The following FAM171A1 variants were observed in gnomAD, a reference collection of about 807,000 sequenced individuals.
FAM171A1 encodes the protein family with sequence similarity 171 member A1.
In FAM171A1, 23 loss-of-function variants were observed where a neutral mutation model predicts 74.9. The observed-to-expected ratio is 0.31, with a 90% confidence interval of 0.22 to 0.44. The LOEUF (loss-of-function observed/expected upper bound fraction) is 0.44. Among genes scored for constraint, FAM171A1 ranks in the 20% least tolerant of loss-of-function variants. The pLI is 1.00. For missense variants in FAM171A1, 1,162 were observed against 1,159.2 expected (o/e 1.00, Z -0.03); for synonymous variants, 527 against 505.7 (o/e 1.04, Z -0.57).
intron 1 of FAM171A1, among the ~76,000 whole-genome samples, chr10:15,298,177 G>C (rs1835183320): frequency 6.6e-6 from 1 of 151,576 alleles, no homozygotes; most frequent in Admixed American, 6.6e-5. Flanking sequence ...ACCCATGCTG[G>C]AGTTCAATGG....
intron 1 of FAM171A1, among the ~76,000 whole-genome samples, chr10:15,345,263 GAC>G (rs1391776926): frequency 3.3e-5 from 5 of 152,226 alleles, no homozygotes. Context: ...CCTAAGGAGA[GAC>G]AGACATGAAG....
intron 1 of FAM171A1, among the ~76,000 whole-genome samples, chr10:15,285,830 G>A (rs1254366278): frequency 6.6e-6 from 1 of 152,154 alleles, no homozygotes; most frequent in Non-Finnish European, 1.5e-5. Context: ...CCATCAATGA[G>A]CCGGCTGCAG....
At chr10:15,331,224 A>G (rs1354681796) in intron 1 of FAM171A1, among the ~76,000 whole-genome samples, 1 of 151,736 alleles carries the variant, frequency 6.6e-6, no homozygotes, top group East Asian at 1.9e-4. Flanking sequence ...TGCATATATG[A>G]CTCCCCTGAA....
At chr10:15,241,459 G>A (rs191111186) in intron 5 of FAM171A1, 38 of 152,240 alleles carry the variant, frequency 2.5e-4, no homozygotes, top group Admixed American at 2.3e-3. Flanking sequence ...TCAACCCTGC[G>A]TTGTAGTGCA....
At chr10:15,220,831 T>C (rs754927754) in intron 6 of FAM171A1, 113 bp downstream of exon 6, 4 of 779,352 alleles carry the variant, frequency 5.1e-6, no homozygotes, top group Non-Finnish European at 8.3e-6. Flanking sequence ...TTAACCATTT[T>C]TGAATAAGAT....
intron 1 of FAM171A1, among the ~76,000 whole-genome samples, chr10:15,339,630 T>G (rs949238901): frequency 1.3e-5 from 2 of 152,200 alleles, no homozygotes; most frequent in Admixed American, 6.5e-5. Flanking sequence ...CTCTTGAGCT[T>G]GATCATCTGG....
chr10:15,325,020 G>C (rs1028585932), intron 1 of FAM171A1, among the ~76,000 whole-genome samples: 1 of 152,206 alleles, frequency 6.6e-6, no homozygotes, highest in Non-Finnish European at 1.5e-5. Context: ...GGCACATCAC[G>C]TGTGTCTAAT....
intron 1 of FAM171A1, among the ~76,000 whole-genome samples, chr10:15,318,448 G>C (rs922828726): frequency 6.6e-6 from 1 of 152,136 alleles, no homozygotes; most frequent in Non-Finnish European, 1.5e-5. Context: ...TACAGAAAAA[G>C]GCAATCAACT....
At chr10:15,340,462 G>C (rs1564284762) in intron 1 of FAM171A1, among the ~76,000 whole-genome samples, 1 of 152,130 alleles carries the variant, frequency 6.6e-6, no homozygotes, top group Admixed American at 6.6e-5. Flanking sequence ...GTGCATTGTG[G>C]AACTTTGAGT....
At chr10:15,372,824 C>G (rs1323539702), upstream of FAM171A1, among the ~76,000 whole-genome samples, 1 of 152,024 alleles carries the variant, frequency 6.6e-6, no homozygotes, top group Admixed American at 6.6e-5. Flanking sequence ...ACTTTTCTTT[C>G]TCTCAACCCA....
chr10:15,360,315 T>C (rs1321426982), intron 1 of FAM171A1, among the ~76,000 whole-genome samples: 4 of 152,208 alleles, frequency 2.6e-5, no homozygotes, highest in African/African-American at 7.2e-5. Context: ...TTCTGACCCA[T>C]GTAAATGGTG....
intron 3 of FAM171A1, among the ~76,000 whole-genome samples, chr10:15,265,182 C>T (rs981419388): frequency 4.6e-5 from 7 of 151,922 alleles, no homozygotes; most frequent in Admixed American, 6.6e-5. Context: ...CTCCTCGGGC[C>T]GATTTATAAT....
chr10:15,219,092 G>C (rs2131709235), intron 6 of FAM171A1, among the ~76,000 whole-genome samples: 1 of 152,252 alleles, frequency 6.6e-6, no homozygotes, highest in African/African-American at 2.4e-5. Flanking sequence ...AGACCAGCCT[G>C]ACTAACATGG....
rs746470792 is a variant in FAM171A1, at chr10:15,213,890, G to C, written c.1698C>G (p.Val566=). The C allele has an allele frequency of 6.2e-6, 10 of 1,614,058 alleles. No homozygotes were observed. The Admixed American group carries it at 1.7e-4, about 27-fold the overall frequency. Residue 566 remains valine, a synonymous_variant, in exon 8 of 8, where the codon GTC becomes GTG. Coordinates refer to ENST00000378116, the MANE Select transcript of FAM171A1 (RefSeq NM_001010924.2). The surrounding 1 kb of genome is among the most constrained non-coding windows in gnomAD (Gnocchi z 6.8). ...TGTAAACGCTGTCATTGACCTGGTC[G>C]ACAGAACTGCAGCAGATTAACTGGC... The part of the protein sequence containing the change: ...RPGQLICCSS[V]DQVNDSVYRK...
At chr10:15,219,832 G>A (rs572037552) in intron 6 of FAM171A1, among the ~76,000 whole-genome samples, 118 of 152,186 alleles carry the variant, frequency 7.8e-4, no homozygotes, top group African/African-American at 2.5e-3. Context: ...CGCCCTCCTC[G>A]GCTTCCCAAA....
chr10:15,239,797 T>A (rs189715439), intron 5 of FAM171A1, among the ~76,000 whole-genome samples: 6 of 152,234 alleles, frequency 3.9e-5, no homozygotes, highest in African/African-American at 1.4e-4. Flanking sequence ...GACAAAAGTC[T>A]CGATTCCAGT....
chr10:15,359,989 C>A (rs867308685), intron 1 of FAM171A1, among the ~76,000 whole-genome samples: 3 of 152,250 alleles, frequency 2.0e-5, no homozygotes, highest in Non-Finnish European at 4.4e-5. Flanking sequence ...GGTTGGAGTG[C>A]GGTTATGTGA....
Position 15,212,324 on chromosome 10 carries a change from A to C in FAM171A1, c.*591T>G, listed in dbSNP as rs1021576820. 1 of 156,460 alleles carries C rather than the reference A, an allele frequency of 6.4e-6. No homozygotes were observed. The highest frequency in any genetic ancestry group is 1.4e-5 in the Non-Finnish European group (1 of 70,470). The allele number at this position is 156,460 out of a possible 1,614,324, so 9.7% of individuals were successfully genotyped here. A position where few individuals can be genotyped will look rare whatever the true frequency, so the allele number is the denominator to read the frequency against. ...CCGCTGAGAAGCGGAACAGATGAACACAAAGGAATCAAATCTTTACAACCA... is the reference window on the plus strand; with the variant it reads ...CCGCTGAGAAGCGGAACAGATGAACCCAAAGGAATCAAATCTTTACAACCA... On this transcript the variant is annotated 3_prime_UTR_variant, in exon 8 of 8. Coordinates refer to ENST00000378116, the MANE Select transcript of FAM171A1 (RefSeq NM_001010924.2).
intron 1 of FAM171A1, among the ~76,000 whole-genome samples, chr10:15,304,976 C>T (rs766247516): frequency 4.6e-5 from 7 of 152,192 alleles, no homozygotes; most frequent in East Asian, 3.9e-4. Flanking sequence ...TCAAGTGATA[C>T]GCCTGCCTCA....
Sources: allele counts gnomAD v4.1 joint callset (sites outside exome capture counted in the v4.1 genomes callset), GRCh38; gene constraint gnomAD v4.1.1; non-coding constraint Gnocchi (gnomAD v3.1); transcripts MANE v1.5; gene names NCBI Gene and HGNC (gene_info 2026-07-23, HGNC 2026-07-21).